VPS45: variants seen among roughly 807,000 people sequenced by gnomAD.
VPS45 encodes vacuolar protein sorting-associated protein 45.
A neutral mutation model predicts 75.9 loss-of-function variants in VPS45; 35 were observed. The observed-to-expected ratio is 0.46, with a 90% CI of 0.35 to 0.61. VPS45 has a LOEUF of 0.61. Among genes scored for constraint, VPS45 ranks in the 20% least tolerant of loss-of-function variants. The pLI, the probability that VPS45 is intolerant of heterozygous loss-of-function variation, is 0.00. For missense variants in VPS45, 559 were observed against 685.9 expected, an observed-to-expected ratio of 0.81 and a Z score of 2.07; for synonymous variants, 220 against 238.2, an observed-to-expected ratio of 0.92 and a Z score of 0.70.
At chr1:150,098,620 A>AT (rs1423880541) in intron 13 of VPS45, among the ~76,000 whole-genome samples, 1 of 152,194 alleles carries the variant, frequency 6.6e-6, no homozygotes. Flanking sequence ...CATAATAGAA[A>AT]TTCTAGGTTT....
At chr1:150,094,026 G>A (rs1295320612) in intron 13 of VPS45, among the ~76,000 whole-genome samples, 9 of 152,164 alleles carry the variant, frequency 5.9e-5, no homozygotes, top group Admixed American at 2.6e-4. Context: ...TTTTTGGTGA[G>A]GACTGGACTT....
In VPS45 at chr1:150,092,418, A is replaced by T. The variant is rs368568806; in HGVS notation, c.1371+9A>T. 7.1e-5 allele frequency: 115 copies of T among 1,610,048 alleles called. 3 individuals carry two copies. The South Asian group carries it at 1.0e-3, about 14-fold the overall frequency. ...TCCTCAAAGGACTGAAGGTATAGACATCTCCTCTATGCTCTCCTGAGTGAG... is the reference window on the plus strand; with the variant it reads ...TCCTCAAAGGACTGAAGGTATAGACTTCTCCTCTATGCTCTCCTGAGTGAG... On this transcript the variant is annotated intron_variant, in intron 12 of 14. Coordinates refer to ENST00000644510, the MANE Select transcript of VPS45 (RefSeq NM_007259.5).
rs587689437 is a variant in VPS45, at chr1:150,133,640, T to A, written c.1626-11069T>A. On this transcript the variant is annotated intron_variant, in intron 14 of 14. Coordinates refer to ENST00000644510, the MANE Select transcript of VPS45 (RefSeq NM_007259.5). ...TTGGGGCTTCGTTTCTTGCATTTTT[T>A]AATAGTGTTCACCATGCTGCCCCTG... Among the ~76,000 whole-genome samples the A allele has an allele frequency of 4.6e-4, 70 of 152,340 alleles. 1 individual carries two copies. In the South Asian group the frequency reaches 0.014, roughly 31 times the overall value.
intron 10 of VPS45, among the ~76,000 whole-genome samples, chr1:150,085,985 C>A (rs587687863): frequency 4.9e-4 from 74 of 152,152 alleles, no homozygotes; most frequent in Middle Eastern, 3.4e-3. Flanking sequence ...TATACCCTGC[C>A]CCCCATGCCC....
In VPS45 at chr1:150,140,386, GGTGTGT is replaced by G. The variant is rs574312693; in HGVS notation, c.1626-4286_1626-4281del. 5.7e-3 allele frequency among the ~76,000 whole-genome samples: 807 copies of G among 140,422 alleles called. 4 individuals carry two copies. Among genetic ancestry groups the G allele is most frequent in the African/African-American group, 0.017 (652 of 37,306 alleles). The allele number at this position is 140,422 out of a possible 152,430, so 92.1% of individuals were successfully genotyped here. A position where few individuals can be genotyped will look rare whatever the true frequency, so the allele number is the denominator to read the frequency against. On this transcript the variant is annotated intron_variant, in intron 14 of 14. Coordinates refer to ENST00000644510, the MANE Select transcript of VPS45 (RefSeq NM_007259.5). ...ATTATATCCCAATTCCATCACTTCT[GGTGTGT>G]GTGTGTGTGTGTGTGTGTGTGTGTG...
intron 10 of VPS45, among the ~76,000 whole-genome samples, chr1:150,085,023 C>A (rs1265396306): frequency 6.6e-6 from 1 of 151,868 alleles, no homozygotes; most frequent in Non-Finnish European, 1.5e-5. Context: ...TGGATCAGAA[C>A]CTAAAGTCGC....
Position 150,081,484 on chromosome 1 carries a change from G to A in VPS45, c.822+8G>A. 2 of 1,593,886 alleles carry A rather than the reference G, an allele frequency of 1.3e-6. No homozygotes were observed. The highest frequency in any genetic ancestry group is 1.7e-6 in the Non-Finnish European group (2 of 1,175,068). On this transcript the variant is annotated splice_region_variant and intron_variant, in intron 8 of 14. Coordinates refer to ENST00000644510, the MANE Select transcript of VPS45 (RefSeq NM_007259.5). Reference sequence around the variant, plus strand: ...GATGAATTCTATGCTAATGTAGGTGGTTTAAATTTTTTTAAATTGTCTTTA... The same window carrying A: ...GATGAATTCTATGCTAATGTAGGTGATTTAAATTTTTTTAAATTGTCTTTA...
upstream of VPS45, chr1:150,067,657 C>A (rs1371820603): frequency 3.6e-6 from 2 of 548,002 alleles, no homozygotes; most frequent in East Asian, 3.1e-5. Context: ...CCGTCTCAGC[C>A]GGATTTTTCC....
intron 14 of VPS45, among the ~76,000 whole-genome samples, chr1:150,128,688 T>G: frequency 6.6e-6 from 1 of 152,062 alleles, no homozygotes; most frequent in Non-Finnish European, 1.5e-5. Context: ...GGACTTCTCT[T>G]CACTACGGAC....
chr1:150,133,013 C>T (rs1300597116), intron 14 of VPS45, among the ~76,000 whole-genome samples: 2 of 152,206 alleles, frequency 1.3e-5, no homozygotes, highest in Non-Finnish European at 2.9e-5. Flanking sequence ...TTATCACCAC[C>T]TCTGTCATCA....
chr1:150,081,718 AGTAATG>A (rs1351178363), intron 8 of VPS45, among the ~76,000 whole-genome samples, 160 bp from the exon 9 acceptor site: 4 of 152,204 alleles, frequency 2.6e-5, no homozygotes, highest in Non-Finnish European at 5.9e-5. Flanking sequence ...TTGTGAGAAT[AGTAATG>A]GTATTCATCA....
chr1:150,139,572 G>C (rs1659276620), intron 14 of VPS45, among the ~76,000 whole-genome samples: 1 of 151,780 alleles, frequency 6.6e-6, no homozygotes, highest in African/African-American at 2.4e-5. Flanking sequence ...TTTTGAGACA[G>C]AGTCTCACTC....
rs781882224 is a variant in VPS45 at position 150,072,176 on chromosome 1, A to T, written c.239A>T (p.Asp80Val). The T allele has an allele frequency of 5.0e-6, 8 of 1,607,340 alleles. No individual in the cohort carries two copies. In the African/African-American group the frequency reaches 9.4e-5, roughly 19 times the overall value. Residue 80 changes from aspartate (D) to valine (V), a missense_variant, in exon 3 of 15, where the codon GAT becomes GTT. Asp to Val is a radical substitution (Grantham distance 152, BLOSUM62 -3). Transcript: ENST00000644510. Reference sequence around the variant, plus strand: ...TTCTTCATTTTCTAGGAGAATGTGGATTATATTATTCAGGAGCTCCGAAGA... The same window carrying T: ...TTCTTCATTTTCTAGGAGAATGTGGTTTATATTATTCAGGAGCTCCGAAGA... Reference protein sequence around the residue: ...CFLRPTKENVDYIIQELRRPK... With the variant: ...CFLRPTKENVVYIIQELRRPK...
At chr1:150,142,191 A>T (rs890098007) in intron 14 of VPS45, among the ~76,000 whole-genome samples, 2 of 152,172 alleles carry the variant, frequency 1.3e-5, no homozygotes, top group African/African-American at 4.8e-5. Flanking sequence ...TCTTGTTGAT[A>T]TACAGAGGAG....
intron 14 of VPS45, among the ~76,000 whole-genome samples, chr1:150,124,979 GTC>G (rs1658430202): frequency 6.6e-6 from 1 of 151,740 alleles, no homozygotes. Context: ...TTACTAAAAA[GTC>G]TTTAAAACAA....
chr1:150,086,984 G>A lies in VPS45; in HGVS notation c.1104+4101G>A, dbSNP rs587697711. Among the ~76,000 whole-genome samples, 23 of 128,860 alleles carry A rather than the reference G, an allele frequency of 1.8e-4. 1 individual carries two copies. Among genetic ancestry groups the A allele is most frequent in the African/African-American group, 6.0e-4 (19 of 31,928 alleles). 84.5% of individuals were successfully genotyped at this position (128,860 alleles called of 152,430 possible). Reference sequence around the variant, plus strand: ...GTTAAACTAAAACAAAAAAAAAGACGGAGACTATCTTTATTACCAAGACCA... The same window carrying A: ...GTTAAACTAAAACAAAAAAAAAGACAGAGACTATCTTTATTACCAAGACCA... On this transcript the variant is annotated intron_variant, in intron 10 of 14. Transcript: ENST00000644510.
chr1:150,102,619 A>C (rs1210336943), intron 13 of VPS45, among the ~76,000 whole-genome samples: 1 of 152,082 alleles, frequency 6.6e-6, no homozygotes, highest in Non-Finnish European at 1.5e-5. Context: ...ACACGGAATC[A>C]ACCTAAATGC....
At chr1:150,071,324 G>A (rs1325950789) in intron 2 of VPS45, among the ~76,000 whole-genome samples, 1 of 152,110 alleles carries the variant, frequency 6.6e-6, no homozygotes, top group African/African-American at 2.4e-5. Flanking sequence ...TTAAAACAAT[G>A]TAATTGTAGA....
intron 3 of VPS45, among the ~76,000 whole-genome samples, chr1:150,075,948 T>C (rs1328087859): frequency 1.3e-5 from 2 of 151,506 alleles, no homozygotes; most frequent in Non-Finnish European, 2.9e-5. Context: ...GAGACGGGGT[T>C]TCACCGTGTT....
Sources: gnomAD v4.1 joint callset for allele counts (sites outside exome capture counted in the v4.1 genomes callset) on GRCh38, gnomAD v4.1.1 for gene constraint, MANE v1.5 for transcripts, NCBI Gene and HGNC (gene_info 2026-07-23, HGNC 2026-07-21) for gene names.